PHF24: variants seen among roughly 807,000 people sequenced by gnomAD.
PHF24 encodes PHD finger protein 24, also known as Galpha inhibitory interacting protein.
A neutral mutation model predicts 42.6 loss-of-function variants in PHF24; 25 were observed. The ratio of observed to expected loss-of-function variants is 0.59; its 90% CI spans 0.43 to 0.82. The LOEUF (loss-of-function observed/expected upper bound fraction) is 0.82. Ranked by LOEUF, PHF24 falls within the 40% of genes least tolerant of loss-of-function variation. The probability of loss-of-function intolerance (pLI) is 0.00; values close to 1 mark genes in which losing one functional copy is unlikely to be tolerated. For synonymous variants in PHF24, 185 were observed against 204.8 expected, an observed-to-expected ratio of 0.90 and a Z score of 0.83; for missense variants, 470 against 538.1, an observed-to-expected ratio of 0.87 and a Z score of 1.25.
chr9:34,757,924 C>T, the PHF24 span, among the ~76,000 whole-genome samples: 1 of 152,106 alleles, frequency 6.6e-6, no homozygotes, highest in Non-Finnish European at 1.5e-5. Context: ...TGTGGTTGCT[C>T]AGTCTGCCTT....
At chr9:34,959,232 A>G (rs1826505175) in intron 1 of PHF24, among the ~76,000 whole-genome samples, 1 of 152,228 alleles carries the variant, frequency 6.6e-6, no homozygotes, top group South Asian at 2.1e-4. Context: ...ATCAGGTGGA[A>G]TAACTGACTT....
At chr9:34,770,967 G>A in the PHF24 span, among the ~76,000 whole-genome samples, 1 of 152,004 alleles carries the variant, frequency 6.6e-6, no homozygotes, top group Admixed American at 6.6e-5. Context: ...TACAAAATTA[G>A]CCAAGCATTG....
At chr9:34,897,602 T>G in the PHF24 span, among the ~76,000 whole-genome samples, 1 of 152,236 alleles carries the variant, frequency 6.6e-6, no homozygotes, top group Non-Finnish European at 1.5e-5. Context: ...GGGTTTCTTT[T>G]TGAACTAGCT....
chr9:34,837,415 A>C, the PHF24 span: 1 of 452,748 alleles, frequency 2.2e-6, no homozygotes, highest in African/African-American at 2.0e-5. Context: ...TAAAACTAGC[A>C]AATGACACAG....
the PHF24 span, among the ~76,000 whole-genome samples, chr9:34,863,778 G>T: frequency 1.3e-5 from 2 of 152,130 alleles, no homozygotes; most frequent in Non-Finnish European, 2.9e-5. Flanking sequence ...AGGACAACAT[G>T]ACCTCACCAA....
chr9:34,742,739 CT>C, the PHF24 span, among the ~76,000 whole-genome samples: 118,500 of 151,712 alleles, frequency 0.78, 46,939 homozygotes, highest in East Asian at 0.95. Flanking sequence ...TTCTTTTTTT[CT>C]TTTTTTTAAA....
the PHF24 span, among the ~76,000 whole-genome samples, chr9:34,716,264 A>G: frequency 6.6e-6 from 1 of 152,272 alleles, no homozygotes; most frequent in East Asian, 1.9e-4. Flanking sequence ...TTAGGGTTAG[A>G]GTTAGGATTA....
the PHF24 span, among the ~76,000 whole-genome samples, chr9:34,750,907 T>C: frequency 6.6e-6 from 1 of 152,162 alleles, no homozygotes; most frequent in Admixed American, 6.5e-5. Context: ...TGAATGTGAA[T>C]GGACTAAACT....
chr9:34,677,389 GTTTTTTT>G, the PHF24 span, among the ~76,000 whole-genome samples: 10 of 79,778 alleles, frequency 1.3e-4, no homozygotes, highest in East Asian at 1.6e-3. Flanking sequence ...TTTGTAAACT[GTTTTTTT>G]TTTTTTTTTT....
rs767046347 is a variant in PHF24 at position 34,977,071 on chromosome 9, C to G, written c.850-12C>G. 1 of 1,576,954 alleles carries G rather than the reference C, an allele frequency of 6.3e-7. No individual in the cohort carries two copies. The highest frequency in any genetic ancestry group is 8.6e-7 in the Non-Finnish European group (1 of 1,160,590). ...TATCTTCACCTCTAAGATCTTGTCT[C>G]TTCTTCCCCAGAACTCTCTGTTGAG... On this transcript the variant is annotated splice_polypyrimidine_tract_variant and intron_variant, in intron 5 of 7. Transcript: ENST00000242315.
At chr9:34,816,506 G>A in the PHF24 span, among the ~76,000 whole-genome samples, 2 of 152,266 alleles carry the variant, frequency 1.3e-5, no homozygotes, top group Non-Finnish European at 2.9e-5. Context: ...AGGAAGCTAG[G>A]AATTCCAAGA....
At chr9:34,951,311 G>A in the PHF24 span, among the ~76,000 whole-genome samples, 1 of 152,164 alleles carries the variant, frequency 6.6e-6, no homozygotes, top group Non-Finnish European at 1.5e-5. Flanking sequence ...TTGTGAATAT[G>A]TTATAGTACA....
chr9:34,753,471 A>C, the PHF24 span, among the ~76,000 whole-genome samples: 44,015 of 151,922 alleles, frequency 0.29, 6,824 homozygotes, highest in Admixed American at 0.35. Flanking sequence ...ATTATGAAAC[A>C]TTGATGAAAG....
the PHF24 span, among the ~76,000 whole-genome samples, chr9:34,716,626 G>A: frequency 6.6e-6 from 1 of 151,578 alleles, no homozygotes; most frequent in Non-Finnish European, 1.5e-5. Flanking sequence ...TCTCACTCTT[G>A]TCACCCAGGC....
At chr9:34,790,616 A>G in the PHF24 span, among the ~76,000 whole-genome samples, 1 of 152,226 alleles carries the variant, frequency 6.6e-6, no homozygotes, top group Non-Finnish European at 1.5e-5. Context: ...GAACAAAACA[A>G]AATCCTTGCC....
the PHF24 span, among the ~76,000 whole-genome samples, chr9:34,737,838 ATGAGATG>A: frequency 6.6e-6 from 1 of 152,202 alleles, no homozygotes; most frequent in African/African-American, 2.4e-5. Flanking sequence ...CTTCGTCATC[ATGAGATG>A]GTGTCTGTTT....
chr9:34,935,676 A>G, the PHF24 span, among the ~76,000 whole-genome samples: 339 of 151,586 alleles, frequency 2.2e-3, 1 homozygote, highest in African/African-American at 7.7e-3. Context: ...TGGAAAGGAT[A>G]ACAGAGAAAA....
chr9:34,824,776 A>C, the PHF24 span, among the ~76,000 whole-genome samples: 1 of 152,202 alleles, frequency 6.6e-6, no homozygotes, highest in Admixed American at 6.5e-5. Flanking sequence ...TCCACAGTTC[A>C]TGGGTACAGA....
chr9:34,802,135 T>C, the PHF24 span, among the ~76,000 whole-genome samples: 1 of 152,182 alleles, frequency 6.6e-6, no homozygotes, highest in African/African-American at 2.4e-5. Flanking sequence ...TATCCAGTTT[T>C]TATTGTTTGT....
Sources: gnomAD v4.1 joint callset for allele counts (sites outside exome capture counted in the v4.1 genomes callset) on GRCh38, gnomAD v4.1.1 for gene constraint, MANE v1.5 for transcripts, NCBI Gene and HGNC (gene_info 2026-07-23, HGNC 2026-07-21) for gene names.